Variants in TYW1B observed in about 807,000 individuals in gnomAD.
TYW1B encodes tRNA-yW synthesizing protein 1 homolog B.
In TYW1B, 73 loss-of-function variants were observed where a neutral mutation model predicts 86.9. The observed-to-expected ratio is 0.84, with a 90% confidence interval of 0.70 to 1.02. TYW1B has a LOEUF of 1.02. Among genes scored for constraint, TYW1B ranks in the 50% least tolerant of loss-of-function variants. The probability of loss-of-function intolerance (pLI) is 0.00; values close to 1 mark genes in which losing one functional copy is unlikely to be tolerated. For synonymous variants in TYW1B, 248 were observed against 292.8 expected, an observed-to-expected ratio of 0.85 and a Z score of 1.56; for missense variants, 637 against 827.4, an observed-to-expected ratio of 0.77 and a Z score of 2.82.
chr7:72,778,405 C>T (rs1289739444), intron 6 of TYW1B, among the ~76,000 whole-genome samples: 2 of 152,132 alleles, frequency 1.3e-5, no homozygotes, highest in African/African-American at 2.4e-5. Flanking sequence ...AGCTCAGAGA[C>T]CAAGTTACCC....
At chr7:72,689,823 T>C (rs1814097883) in intron 11 of TYW1B, among the ~76,000 whole-genome samples, 2 of 152,198 alleles carry the variant, frequency 1.3e-5, no homozygotes, top group Admixed American at 1.3e-4. Context: ...TCTCTTTACT[T>C]CCCCCAAATT....
At chr7:72,723,272 A>T (rs1448090292) in intron 9 of TYW1B, among the ~76,000 whole-genome samples, 5 of 152,232 alleles carry the variant, frequency 3.3e-5, no homozygotes, top group East Asian at 1.9e-4. Context: ...AAAAGGATTT[A>T]AAAAATAATA....
At chr7:72,637,197 G>C (rs1250482983) in intron 11 of TYW1B, among the ~76,000 whole-genome samples, 1 of 151,964 alleles carries the variant, frequency 6.6e-6, no homozygotes, top group Non-Finnish European at 1.5e-5. Flanking sequence ...AGTTGTGTAG[G>C]GTTGGTGTTA....
At chr7:72,721,809 A>G (rs1786909179) in intron 9 of TYW1B, among the ~76,000 whole-genome samples, 1 of 152,120 alleles carries the variant, frequency 6.6e-6, no homozygotes, top group African/African-American at 2.4e-5. Flanking sequence ...CATCTTTCTG[A>G]TCTTGGATAA....
chr7:72,698,285 T>C (rs1296999554), intron 10 of TYW1B, among the ~76,000 whole-genome samples: 1 of 152,180 alleles, frequency 6.6e-6, no homozygotes, highest in African/African-American at 2.4e-5. Flanking sequence ...TTGCTACTTA[T>C]GCCCATTTTA....
chr7:72,679,608 G>A (rs1290468087), intron 11 of TYW1B, among the ~76,000 whole-genome samples: 1 of 152,158 alleles, frequency 6.6e-6, no homozygotes, highest in Non-Finnish European at 1.5e-5. Context: ...AACAGCTCTG[G>A]AGATGGATGG....
rs782028754 is a variant in TYW1B at position 72,759,374 on chromosome 7, G to C, written c.965-14773C>G. On this transcript the variant is annotated intron_variant, in intron 7 of 13. Coordinates refer to ENST00000620995, the MANE Select transcript of TYW1B (RefSeq NM_001145440.3). ...GCTACTAGGGTGGTTGCCACCATCT[G>C]AAACAACAGTCTGAATTCCTCATGG... 3.9e-4 allele frequency among the ~76,000 whole-genome samples: 60 copies of C among 152,126 alleles called. 1 individual carries two copies. The highest frequency in any genetic ancestry group is 1.0e-4 in the Non-Finnish European group (7 of 68,022).
At chr7:72,825,797 G>A (rs1428818295) in intron 2 of TYW1B, among the ~76,000 whole-genome samples, 1 of 152,142 alleles carries the variant, frequency 6.6e-6, no homozygotes, top group Admixed American at 6.6e-5. Flanking sequence ...CATCGATAAT[G>A]GACTCACAAC....
At chr7:72,766,692 C>A (rs1267553383) in intron 7 of TYW1B, among the ~76,000 whole-genome samples, 4 of 150,162 alleles carry the variant, frequency 2.7e-5, no homozygotes, top group Non-Finnish European at 2.9e-5. Context: ...TTTGGGAGGT[C>A]AAGGCAGGTG....
intron 11 of TYW1B, among the ~76,000 whole-genome samples, chr7:72,663,356 T>G (rs1198156406): frequency 1.3e-5 from 2 of 152,178 alleles, no homozygotes; most frequent in Non-Finnish European, 2.9e-5. Context: ...AAGCAATGGT[T>G]ATTTTTTAAA....
intron 11 of TYW1B, among the ~76,000 whole-genome samples, chr7:72,659,279 CA>C (rs1179927888): frequency 1.3e-5 from 2 of 152,010 alleles, no homozygotes; most frequent in Non-Finnish European, 2.9e-5. Flanking sequence ...AAGGTGCCAG[CA>C]AAAAACTGAT....
intron 7 of TYW1B, among the ~76,000 whole-genome samples, chr7:72,766,343 C>A (rs181160822): frequency 7.2e-5 from 11 of 152,220 alleles, no homozygotes; most frequent in Non-Finnish European, 1.3e-4. Flanking sequence ...GGGCCAGGCG[C>A]GGTGGCTCAC....
At chr7:72,664,811 T>C (rs1292844704) in intron 11 of TYW1B, among the ~76,000 whole-genome samples, 1 of 152,100 alleles carries the variant, frequency 6.6e-6, no homozygotes, top group African/African-American at 2.4e-5. Context: ...ATATGATCTA[T>C]GGGGGATTGG....
intron 7 of TYW1B, among the ~76,000 whole-genome samples, chr7:72,763,631 T>C (rs1787724774): frequency 1.3e-5 from 2 of 152,242 alleles, no homozygotes. Flanking sequence ...TTTTGAAGTA[T>C]TTTAATTATC....
intron 11 of TYW1B, among the ~76,000 whole-genome samples, chr7:72,673,538 C>A (rs1188411922): frequency 2.0e-5 from 3 of 152,046 alleles, no homozygotes; most frequent in East Asian, 3.9e-4. Context: ...ATTGTGGGAT[C>A]GAAAAATCAA....
At chr7:72,675,625 C>T (rs1813719223) in intron 11 of TYW1B, among the ~76,000 whole-genome samples, 1 of 151,214 alleles carries the variant, frequency 6.6e-6, no homozygotes, top group South Asian at 2.1e-4. Flanking sequence ...TATATACACA[C>T]ACACATACTA....
chr7:72,723,230 T>C (rs1184546372), intron 9 of TYW1B: 1 of 355,952 alleles, frequency 2.8e-6, no homozygotes, highest in African/African-American at 2.1e-5. Flanking sequence ...TGGTCCCCTG[T>C]CCCTGGGGTT....
rs1224179088 is a variant in TYW1B, at chr7:72,802,537, C to T, written c.724-15G>A. ...GGTTCTTCCTCCTGGAAGAGAAATGCTTCAGAAATACATTGTTCAAAGGGG... is the reference window on the plus strand; with the variant it reads ...GGTTCTTCCTCCTGGAAGAGAAATGTTTCAGAAATACATTGTTCAAAGGGG... On this transcript the variant is annotated splice_polypyrimidine_tract_variant and intron_variant, in intron 5 of 13. Transcript: ENST00000620995. 1 of 1,613,468 alleles carries T rather than the reference C, an allele frequency of 6.2e-7. No individual in the cohort carries two copies. Among genetic ancestry groups the T allele is most frequent in the Non-Finnish European group, 8.5e-7 (1 of 1,179,742 alleles).
intron 6 of TYW1B, among the ~76,000 whole-genome samples, chr7:72,800,194 T>C (rs1285356573): frequency 2.0e-5 from 3 of 151,966 alleles, no homozygotes; most frequent in African/African-American, 7.2e-5. Flanking sequence ...AACAGATGTT[T>C]CACATCTTTT....
Sources: gnomAD v4.1 joint callset for allele counts (sites outside exome capture counted in the v4.1 genomes callset) on GRCh38, gnomAD v4.1.1 for gene constraint, MANE v1.5 for transcripts, NCBI Gene and HGNC (gene_info 2026-07-23, HGNC 2026-07-21) for gene names.